The following PIK3R6 variants were observed in gnomAD, a reference collection of about 807,000 sequenced individuals.
The protein encoded by PIK3R6 is phosphoinositide-3-kinase regulatory subunit 6, also known as phosphoinositide 3-kinase regulatory subunit 6.
A neutral mutation model predicts 84.9 loss-of-function variants in PIK3R6; 91 were observed. That is an observed-to-expected ratio of 1.07 (90% CI 0.90 to 1.28). The LOEUF (loss-of-function observed/expected upper bound fraction) is 1.28. Among genes scored for constraint, PIK3R6 ranks in the 50% most tolerant of loss-of-function variants. PIK3R6 has a pLI of 0.00. For synonymous variants in PIK3R6, 416 were observed against 411.4 expected, an observed-to-expected ratio of 1.01 and a Z score of -0.13; for missense variants, 996 against 985.1, an observed-to-expected ratio of 1.01 and a Z score of -0.15.
chr17:8,815,941 C>T (rs8064982), intron 18 of PIK3R6, among the ~76,000 whole-genome samples: 3,447 of 152,234 alleles, frequency 0.023, 126 homozygotes, highest in African/African-American at 0.076. Context: ...ATTTCTCAGC[C>T]AAAACTGGAC....
chr17:8,849,719 T>C lies in PIK3R6; in HGVS notation c.13+63A>G, dbSNP rs375029215. On this transcript the variant is annotated intron_variant, in intron 2 of 19. Transcript: ENST00000619866. ...CCAGCCCTAGAGGCATCCTCACCCA[T>C]GAGAAGGGCCTTCCCCACTCGGCAG... 934 of 1,549,430 alleles carry C rather than the reference T, an allele frequency of 6.0e-4. 13 individuals carry two copies. The South Asian group carries it at 0.011, about 18-fold the overall frequency.
chr17:8,848,275 C>A (rs1179063800), intron 2 of PIK3R6, among the ~76,000 whole-genome samples: 2 of 152,066 alleles, frequency 1.3e-5, no homozygotes, highest in Non-Finnish European at 2.9e-5. Context: ...ATATAATAAA[C>A]CTTTATTGGT....
intron 1 of PIK3R6, among the ~76,000 whole-genome samples, chr17:8,852,654 A>T (rs1238848880): frequency 2.0e-5 from 3 of 151,172 alleles, no homozygotes; most frequent in Non-Finnish European, 4.4e-5. Flanking sequence ...TAGGAGAATC[A>T]CTTGAACCTG....
At chr17:8,824,469 C>A (rs1007904872) in intron 13 of PIK3R6, among the ~76,000 whole-genome samples, 1 of 152,206 alleles carries the variant, frequency 6.6e-6, no homozygotes, top group South Asian at 2.1e-4. Flanking sequence ...CCTCTAAGAC[C>A]TCTTCTATCT....
In PIK3R6 at chr17:8,836,824, C is replaced by A. The variant is rs767291689; in HGVS notation, c.358G>T (p.Ala120Ser). ...TPYCTVALDC[A>S]IRLKTEMAVP... Reference sequence around the variant, plus strand: ...GCCATCTCCGTTTTCAGCCTTATCGCGCAGTCCAAGGCGACTGTGCAGTAG... The same window carrying A: ...GCCATCTCCGTTTTCAGCCTTATCGAGCAGTCCAAGGCGACTGTGCAGTAG... The change falls in exon 6 of 20, where the codon GCG (alanine) becomes TCG (serine). Residue 120 changes from alanine to serine, a missense_variant. Coordinates refer to ENST00000619866, the MANE Select transcript of PIK3R6 (RefSeq NM_001010855.4). The A allele has an allele frequency of 3.7e-6, 6 of 1,603,042 alleles. No individual in the cohort carries two copies. In the Admixed American group the frequency reaches 1.0e-4, roughly 28 times the overall value.
In PIK3R6 at chr17:8,844,865, T is replaced by A. The variant is rs1321652938; in HGVS notation, c.13+4917A>T. On this transcript the variant is annotated intron_variant, in intron 2 of 19. Coordinates refer to ENST00000619866, the MANE Select transcript of PIK3R6 (RefSeq NM_001010855.4). The surrounding 1 kb of genome is among the most constrained non-coding windows in gnomAD (Gnocchi z 4.5). ...TAGCCCCCAGTTTCTATTGTTGCCA[T>A]CTTTGTGTCCATGAGTACCCAAAGT... 6.6e-6 allele frequency among the ~76,000 whole-genome samples: 1 copy of A among 152,116 alleles called. No homozygotes were observed. The highest frequency in any genetic ancestry group is 1.9e-4 in the East Asian group (1 of 5,186).
chr17:8,818,495 AAAAATTAGCTG>A (rs2151198881), intron 18 of PIK3R6, among the ~76,000 whole-genome samples: 1 of 152,260 alleles, frequency 6.6e-6, no homozygotes, highest in East Asian at 1.9e-4. Context: ...CTAAAAATAC[AAAAATTAGCTG>A]GGCGAGGTGG....
Position 8,843,637 on chromosome 17 carries a change from T to TAAA in PIK3R6, c.14-3943_14-3941dup, listed in dbSNP as rs111238957. ...TTTTGTTTGGGCTTGTATAGTGTCT[T>TAAA]AAAAAAAAAAAGCAATGAATTAGCT... On this transcript the variant is annotated intron_variant, in intron 2 of 19. Coordinates refer to ENST00000619866, the MANE Select transcript of PIK3R6 (RefSeq NM_001010855.4). Among the ~76,000 whole-genome samples, 201 of 146,004 alleles carry TAAA rather than the reference T, an allele frequency of 1.4e-3. 1 individual carries two copies. The East Asian group carries it at 0.029, about 21-fold the overall frequency.
At position 8,852,492 on chromosome 17, in the gene PIK3R6, C is replaced by T. The variant is rs970723503; in HGVS notation, c.-91-2607G>A. Among the ~76,000 whole-genome samples the T allele has an allele frequency of 3.3e-5, 5 of 152,216 alleles. No individual in the cohort carries two copies. In the South Asian group the frequency reaches 1.0e-3, roughly 32 times the overall value. ...CGGTGGCTCACACCTGTAATCCCAG[C>T]ACTTGGGGAGGCCGAGGTGGGCGGA... is the stretch of plus-strand genomic sequence containing the variant. On this transcript the variant is annotated intron_variant, in intron 1 of 19. Transcript: ENST00000619866.
Position 8,803,759 on chromosome 17 carries a change from G to A in PIK3R6, c.2108+282C>T. On this transcript the variant is annotated intron_variant, in intron 19 of 19. Transcript: ENST00000619866. This position sits in a 1 kb window ranked among gnomAD's most constrained non-coding sequence, Gnocchi z 5.0. ...GTGGGAGGGGCCCGTGCCTGCAGAG[G>A]GGACTGGATCAGGAGGCTGCAGGCT... The A allele has an allele frequency of 3.5e-6, 2 of 564,450 alleles. No individual in the cohort carries two copies. The highest frequency in any genetic ancestry group is 3.1e-5 in the Admixed American group (1 of 32,074). The allele number at this position is 564,450 out of a possible 1,614,324, so 35.0% of individuals were successfully genotyped here. A position where few individuals can be genotyped will look rare whatever the true frequency, so the allele number is the denominator to read the frequency against.
rs779066060 is a variant in PIK3R6 at position 8,823,469 on chromosome 17, A to T, written c.1544T>A (p.Val515Glu). The T allele has an allele frequency of 1.2e-6, 2 of 1,612,620 alleles. No individual in the cohort carries two copies. The highest frequency in any genetic ancestry group is 1.7e-6 in the Non-Finnish European group (2 of 1,178,844). ...GATGACGTCTAGGATGAAGGGGTCC[A>T]CAGTCCGGGATGTGTCCAGGGAAGG... ...MPPSLDTSRT[V>E]DPFILDVITY... The change falls in exon 14 of 20, where the codon GTG becomes GAG. Residue 515 changes from valine to glutamate, a missense_variant. Coordinates refer to ENST00000619866, the MANE Select transcript of PIK3R6 (RefSeq NM_001010855.4).
intron 1 of PIK3R6, among the ~76,000 whole-genome samples, chr17:8,864,977 A>C (rs139107105): frequency 9.2e-5 from 14 of 152,230 alleles, no homozygotes; most frequent in Non-Finnish European, 1.6e-4. Flanking sequence ...CACACAGCTC[A>C]TCACTCCCTT....
chr17:8,819,609 G>A (rs557407131), intron 17 of PIK3R6, among the ~76,000 whole-genome samples: 1 of 150,138 alleles, frequency 6.7e-6, no homozygotes, highest in South Asian at 2.1e-4. Flanking sequence ...GGGTGAGGAG[G>A]GCATCAGTGC....
chr17:8,813,435 A>AG (rs1234415575), intron 18 of PIK3R6, among the ~76,000 whole-genome samples: 2 of 152,168 alleles, frequency 1.3e-5, no homozygotes, highest in Non-Finnish European at 2.9e-5. Context: ...TACCAAAGCT[A>AG]GGCAAGAACA....
intron 7 of PIK3R6, among the ~76,000 whole-genome samples, chr17:8,836,345 G>A (rs576074615): frequency 4.6e-5 from 7 of 152,202 alleles, no homozygotes; most frequent in African/African-American, 1.7e-4. Context: ...CCTATCCTGT[G>A]TTCAGTGGTC....
At position 8,827,171 on chromosome 17, in the gene PIK3R6, C is replaced by A. The variant is rs866985816; in HGVS notation, c.1515+1G>T. The A allele has an allele frequency of 1.1e-5, 18 of 1,612,734 alleles. No individual in the cohort carries two copies. The highest frequency in any genetic ancestry group is 1.5e-5 in the Non-Finnish European group (18 of 1,179,326). On this transcript the variant is annotated splice_donor_variant, in intron 13 of 19. Transcript: ENST00000619866. LOFTEE classifies it high-confidence loss of function. ...TCCCTGGTACCCTCACCCTCCCCTA[C>A]CATCTCAGCCAGCTTGTGGATGGCG...
At chr17:8,866,274 A>G (rs1174011296) in intron 1 of PIK3R6, among the ~76,000 whole-genome samples, 1 of 152,180 alleles carries the variant, frequency 6.6e-6, no homozygotes, top group Non-Finnish European at 1.5e-5. Context: ...GCTGTGGCTC[A>G]TGCCTGTAAT....
intron 8 of PIK3R6, 62 bp downstream of exon 8, chr17:8,835,207 ATGAC>A: frequency 7.5e-7 from 1 of 1,341,992 alleles, no homozygotes; most frequent in Non-Finnish European, 9.8e-7. Flanking sequence ...AGCAGGGTGA[ATGAC>A]TGGTATGGGC....
At chr17:8,864,525 A>T (rs1347885692) in intron 1 of PIK3R6, among the ~76,000 whole-genome samples, 1 of 138,888 alleles carries the variant, frequency 7.2e-6, no homozygotes, top group African/African-American at 2.7e-5. Context: ...GGTCCTTCAC[A>T]GCTCTTTTTT....
Sources: allele counts gnomAD v4.1 joint callset (sites outside exome capture counted in the v4.1 genomes callset), GRCh38; gene constraint gnomAD v4.1.1; non-coding constraint Gnocchi (gnomAD v3.1); transcripts MANE v1.5; gene names NCBI Gene and HGNC (gene_info 2026-07-23, HGNC 2026-07-21).